The following ADGRL3 variants were observed in gnomAD, a reference collection of about 807,000 sequenced individuals.
The protein encoded by ADGRL3 is adhesion G protein-coupled receptor L3, also known as calcium-independent alpha-latrotoxin receptor 3.
In ADGRL3, 62 loss-of-function variants were observed where a neutral mutation model predicts 153.5. The ratio of observed to expected loss-of-function variants is 0.40; its 90% CI spans 0.33 to 0.50. ADGRL3 has a LOEUF of 0.50. Ranked by LOEUF, ADGRL3 falls within the 20% of genes least tolerant of loss-of-function variation. The probability of loss-of-function intolerance (pLI) is 0.47; values close to 1 mark genes in which losing one functional copy is unlikely to be tolerated. For synonymous variants in ADGRL3, 710 were observed against 672.5 expected (o/e 1.06, Z -0.86); for missense variants, 1,641 against 1,859.4 (o/e 0.88, Z 2.16).
chr4:62,009,127 C>A (rs1409125507), intron 21 of ADGRL3, among the ~76,000 whole-genome samples: 1 of 152,114 alleles, frequency 6.6e-6, no homozygotes, highest in African/African-American at 2.4e-5. Flanking sequence ...ATATTCCCAT[C>A]ATTAAATGAC....
intron 5 of ADGRL3, among the ~76,000 whole-genome samples, chr4:61,628,742 G>C (rs1013184575): frequency 2.6e-5 from 4 of 152,078 alleles, no homozygotes; most frequent in African/African-American, 9.7e-5. Context: ...CTCAAAGAGA[G>C]GGCTGTAAAG....
intron 1 of ADGRL3, among the ~76,000 whole-genome samples, chr4:61,290,746 A>G (rs1356436679): frequency 6.6e-6 from 1 of 151,728 alleles, no homozygotes; most frequent in East Asian, 1.9e-4. Context: ...GGAAAGGAAG[A>G]AAAGGAAAGG....
intron 3 of ADGRL3, among the ~76,000 whole-genome samples, chr4:61,506,373 T>C (rs1451137358): frequency 6.6e-6 from 1 of 152,088 alleles, no homozygotes; most frequent in African/African-American, 2.4e-5. Flanking sequence ...TCCACAGTTC[T>C]TTTTCAAAGA....
intron 5 of ADGRL3, among the ~76,000 whole-genome samples, 198 bp downstream of exon 5, chr4:61,587,638 G>A (rs574678492): frequency 6.6e-6 from 1 of 151,938 alleles, no homozygotes; most frequent in Non-Finnish European, 1.5e-5. Flanking sequence ...ACAATTTATT[G>A]GATTATCTAT....
intron 5 of ADGRL3, among the ~76,000 whole-genome samples, chr4:61,663,293 C>A (rs1409300397): frequency 6.6e-6 from 1 of 152,212 alleles, no homozygotes; most frequent in Non-Finnish European, 1.5e-5. Context: ...CTCTTTGGAG[C>A]TCTGCAGTTC....
At chr4:61,599,407 T>G (rs2099001742) in intron 5 of ADGRL3, among the ~76,000 whole-genome samples, 1 of 152,160 alleles carries the variant, frequency 6.6e-6, no homozygotes, top group African/African-American at 2.4e-5. Flanking sequence ...TGGCGCAATC[T>G]GGGCTCCCTC....
intron 10 of ADGRL3, among the ~76,000 whole-genome samples, chr4:61,895,099 A>G (rs939853445): frequency 2.6e-5 from 4 of 152,102 alleles, no homozygotes; most frequent in African/African-American, 9.7e-5. Context: ...CTCAACTGCT[A>G]CCTTGCCTCT....
intron 1 of ADGRL3, among the ~76,000 whole-genome samples, chr4:61,283,079 A>C (rs1468902638): frequency 6.6e-6 from 1 of 151,992 alleles, no homozygotes; most frequent in Non-Finnish European, 1.5e-5. Context: ...TTTGTAATAC[A>C]TTCTTATGGC....
intron 6 of ADGRL3, among the ~76,000 whole-genome samples, chr4:61,680,448 G>GTT (rs1554002141): frequency 1.6e-5 from 2 of 127,024 alleles, no homozygotes; most frequent in African/African-American, 5.9e-5. Flanking sequence ...GTGTGTGTGT[G>GTT]TTTCCATGGC....
chr4:61,903,154 A>G (rs749423044), intron 11 of ADGRL3, among the ~76,000 whole-genome samples: 5 of 152,160 alleles, frequency 3.3e-5, no homozygotes, highest in Non-Finnish European at 7.4e-5. Context: ...TACTATGTCT[A>G]CTCAAACCAT....
chr4:61,395,045 T>C (rs1200943738), intron 2 of ADGRL3, among the ~76,000 whole-genome samples: 1 of 152,076 alleles, frequency 6.6e-6, no homozygotes, highest in Non-Finnish European at 1.5e-5. Flanking sequence ...TTCAGTGTTA[T>C]TAATTCCACA....
intron 2 of ADGRL3, among the ~76,000 whole-genome samples, chr4:61,399,521 G>T (rs940595925): frequency 1.3e-5 from 2 of 151,558 alleles, no homozygotes; most frequent in African/African-American, 4.8e-5. Context: ...CAAATGCCAT[G>T]TGTGCATATT....
Position 62,074,369 on chromosome 4 carries a change from A to C in ADGRL3, c.*3461A>C, listed in dbSNP as rs906986250. 1 of 152,092 alleles carries C rather than the reference A, an allele frequency of 6.6e-6. No individual in the cohort carries two copies. The highest frequency in any genetic ancestry group is 1.5e-5 in the Non-Finnish European group (1 of 68,022). The allele number at this position is 152,092 out of a possible 1,614,324, so 9.4% of individuals were successfully genotyped here. A position where few individuals can be genotyped will look rare whatever the true frequency, so the allele number is the denominator to read the frequency against. On this transcript the variant is annotated 3_prime_UTR_variant, in exon 27 of 27. Coordinates refer to ENST00000683033, the MANE Select transcript of ADGRL3 (RefSeq NM_001387552.1). ...TTTTCCTCTTTGAAATCTAGTTCACATGACACTTTATCAGGGACACTAGCT... is the reference window on the plus strand; with the variant it reads ...TTTTCCTCTTTGAAATCTAGTTCACCTGACACTTTATCAGGGACACTAGCT...
intron 5 of ADGRL3, among the ~76,000 whole-genome samples, chr4:61,603,412 C>G (rs191175063): frequency 6.6e-6 from 1 of 152,138 alleles, no homozygotes; most frequent in Non-Finnish European, 1.5e-5. Flanking sequence ...AACAATCCAG[C>G]TTAGGAGTTT....
chr4:61,556,696 T>C (rs1004752155), intron 4 of ADGRL3, among the ~76,000 whole-genome samples: 1 of 151,912 alleles, frequency 6.6e-6, no homozygotes, highest in African/African-American at 2.4e-5. Context: ...TATGAAAAAG[T>C]AAAGATAAAT....
intron 2 of ADGRL3, among the ~76,000 whole-genome samples, chr4:61,445,805 A>G (rs2097575660): frequency 6.6e-6 from 1 of 152,226 alleles, no homozygotes; most frequent in Non-Finnish European, 1.5e-5. Flanking sequence ...CTCATATAAA[A>G]TTATGATCCC....
chr4:61,696,413 T>G (rs2095643378), intron 6 of ADGRL3, among the ~76,000 whole-genome samples: 1 of 152,166 alleles, frequency 6.6e-6, no homozygotes, highest in Non-Finnish European at 1.5e-5. Flanking sequence ...GTAGACTAAG[T>G]GTGAATTTAA....
chr4:61,418,708 T>C (rs1320177721), intron 2 of ADGRL3, among the ~76,000 whole-genome samples: 6 of 150,962 alleles, frequency 4.0e-5, no homozygotes, highest in Non-Finnish European at 5.9e-5. Flanking sequence ...TCTTTGTTCA[T>C]TTTTAAATAA....
At chr4:61,881,300 A>T (rs181049749) in intron 9 of ADGRL3, among the ~76,000 whole-genome samples, 1 of 152,334 alleles carries the variant, frequency 6.6e-6, no homozygotes, top group African/African-American at 2.4e-5. Context: ...CTTAAAAAGA[A>T]AAATACTTGA....
Sources: gnomAD v4.1 joint callset for allele counts (sites outside exome capture counted in the v4.1 genomes callset) on GRCh38, gnomAD v4.1.1 for gene constraint, MANE v1.5 for transcripts, NCBI Gene and HGNC (gene_info 2026-07-23, HGNC 2026-07-21) for gene names.